The following FRMD4A variants were observed in gnomAD, a reference collection of about 807,000 sequenced individuals.
The protein encoded by FRMD4A is FERM domain containing 4A.
In FRMD4A, 29 loss-of-function variants were observed where a neutral mutation model predicts 129.1. The observed-to-expected ratio is 0.22, with a 90% CI of 0.17 to 0.31. The LOEUF is 0.31. Ranked by LOEUF, FRMD4A falls within the 10% of genes least tolerant of loss-of-function variation. FRMD4A has a pLI of 1.00. For synonymous variants in FRMD4A, 634 were observed against 571.6 expected, an observed-to-expected ratio of 1.11 and a Z score of -1.56; for missense variants, 1,272 against 1,375.8, an observed-to-expected ratio of 0.92 and a Z score of 1.19.
chr10:14,326,988 G>A (rs1001562140), intron 2 of FRMD4A: 5 of 398,554 alleles, frequency 1.3e-5, no homozygotes, highest in Non-Finnish European at 2.2e-5. Context: ...TCTGTCCTGT[G>A]TGGAGAGGCA....
intron 2 of FRMD4A, among the ~76,000 whole-genome samples, chr10:14,186,400 C>T (rs12248458): frequency 0.019 from 2,878 of 152,256 alleles, 100 homozygotes; most frequent in African/African-American, 0.065. Context: ...TTCCTTCCAC[C>T]GATCACCCAC....
At chr10:13,895,283 A>G (rs927030771) in intron 2 of FRMD4A, among the ~76,000 whole-genome samples, 1 of 151,964 alleles carries the variant, frequency 6.6e-6, no homozygotes, top group Non-Finnish European at 1.5e-5. Context: ...GTTCCCCTCT[A>G]TGTGTCCATG....
chr10:14,211,684 T>A (rs74627829), intron 2 of FRMD4A, among the ~76,000 whole-genome samples: 1,581 of 152,312 alleles, frequency 0.01, 31 homozygotes, highest in African/African-American at 0.036. Context: ...GATAATTGTG[T>A]GTCTACCACA....
At chr10:14,033,318 A>C (rs1449766839) in intron 2 of FRMD4A, among the ~76,000 whole-genome samples, 1 of 152,076 alleles carries the variant, frequency 6.6e-6, no homozygotes, top group Non-Finnish European at 1.5e-5. Flanking sequence ...AAAAAAAAAA[A>C]AAAATTATTT....
chr10:13,672,143 C>T (rs1234478190), intron 16 of FRMD4A, among the ~76,000 whole-genome samples: 3 of 152,230 alleles, frequency 2.0e-5, no homozygotes, highest in Non-Finnish European at 2.9e-5. Flanking sequence ...AGCATAAACA[C>T]ATACTCCGTC....
intron 2 of FRMD4A, among the ~76,000 whole-genome samples, chr10:14,229,675 G>A (rs1450429861): frequency 6.6e-6 from 1 of 152,148 alleles, no homozygotes; most frequent in East Asian, 1.9e-4. Context: ...GCGGGCACAA[G>A]CCGTCCTCCC....
intron 2 of FRMD4A, among the ~76,000 whole-genome samples, chr10:14,201,346 A>G (rs74122399): frequency 0.034 from 5,153 of 152,264 alleles, 293 homozygotes; most frequent in African/African-American, 0.12. Flanking sequence ...CCCGGTTAGA[A>G]TAACTGGCGT....
intron 2 of FRMD4A, among the ~76,000 whole-genome samples, chr10:13,958,849 T>G (rs541207117): frequency 2.8e-4 from 42 of 152,284 alleles, no homozygotes; most frequent in Admixed American, 3.3e-4. Flanking sequence ...CCTCCCAAAG[T>G]GCTGGGATTA....
intron 2 of FRMD4A, among the ~76,000 whole-genome samples, chr10:13,951,393 A>T (rs1248217433): frequency 2.0e-5 from 3 of 152,108 alleles, no homozygotes; most frequent in African/African-American, 7.2e-5. Context: ...ATTGATGGGA[A>T]GATCTAAGTT....
At chr10:14,195,352 C>G (rs1386262132) in intron 2 of FRMD4A, among the ~76,000 whole-genome samples, 1 of 151,930 alleles carries the variant, frequency 6.6e-6, no homozygotes, top group Admixed American at 6.6e-5. Context: ...AAAACCATAC[C>G]TAGGAGGGAA....
chr10:14,045,630 CAAT>C (rs1833956367), intron 2 of FRMD4A, among the ~76,000 whole-genome samples: 2 of 146,336 alleles, frequency 1.4e-5, no homozygotes. Context: ...AGATGATATA[CAAT>C]AATTATAATC....
chr10:13,833,338 T>C (rs763457436), intron 3 of FRMD4A, among the ~76,000 whole-genome samples: 6 of 152,076 alleles, frequency 3.9e-5, no homozygotes, highest in Non-Finnish European at 7.4e-5. Context: ...AACCATCAGA[T>C]CTCATGAGAT....
At chr10:14,300,338 G>A (rs749982494) in intron 2 of FRMD4A, among the ~76,000 whole-genome samples, 8 of 152,052 alleles carry the variant, frequency 5.3e-5, no homozygotes, top group Non-Finnish European at 1.2e-4. Context: ...GCCATGCCCT[G>A]CACCAAGCTT....
At chr10:14,037,968 A>C (rs1017318205) in intron 2 of FRMD4A, among the ~76,000 whole-genome samples, 2 of 152,238 alleles carry the variant, frequency 1.3e-5, no homozygotes, top group African/African-American at 2.4e-5. Flanking sequence ...CCAATAATGG[A>C]CACAAGCTAA....
chr10:13,830,646 A>G (rs1251070830), intron 3 of FRMD4A, among the ~76,000 whole-genome samples: 2 of 152,222 alleles, frequency 1.3e-5, no homozygotes, highest in Non-Finnish European at 2.9e-5. Flanking sequence ...TGAAGGCTTT[A>G]TGGGAGGCCT....
chr10:13,845,837 G>A (rs1258088868), intron 3 of FRMD4A, among the ~76,000 whole-genome samples: 1 of 152,172 alleles, frequency 6.6e-6, no homozygotes, highest in Non-Finnish European at 1.5e-5. Context: ...TGTGCAAATG[G>A]CCAAGGTCAC....
At position 13,814,599 on chromosome 10, in the gene FRMD4A, AAAAAAAAAG is replaced by A. The variant is rs1458316811; in HGVS notation, c.112-3700_112-3692del. On this transcript the variant is annotated intron_variant, in intron 3 of 24. Coordinates refer to ENST00000357447, the MANE Select transcript of FRMD4A (RefSeq NM_018027.5). Reference sequence around the variant, plus strand: ...CTGTTTCAAAAAAAAAAAAAAAAAAAAAAAAAAAGAAAGAAAGGGAAAGAGAGAGAGAAA... The same window carrying A: ...CTGTTTCAAAAAAAAAAAAAAAAAAAAAAGAAAGGGAAAGAGAGAGAGAAA... Among the ~76,000 whole-genome samples, 17 of 142,630 alleles carry A rather than the reference AAAAAAAAAG, an allele frequency of 1.2e-4. 1 individual carries two copies. Among genetic ancestry groups the A allele is most frequent in the Middle Eastern group, 3.6e-3 (1 of 276 alleles). The allele number at this position is 142,630 out of a possible 152,430, so 93.6% of individuals were successfully genotyped here. A position where few individuals can be genotyped will look rare whatever the true frequency, so the allele number is the denominator to read the frequency against.
At chr10:14,266,308 G>A (rs1005311561) in intron 2 of FRMD4A, among the ~76,000 whole-genome samples, 10 of 152,174 alleles carry the variant, frequency 6.6e-5, no homozygotes, top group Non-Finnish European at 1.5e-4. Flanking sequence ...TGGGAAGAGG[G>A]AACAAAATAG....
Position 13,801,019 on chromosome 10 carries a change from C to T in FRMD4A, c.207-4431G>A, listed in dbSNP as rs534734415. Among the ~76,000 whole-genome samples, 162 of 152,326 alleles carry T rather than the reference C, an allele frequency of 1.1e-3. 4 individuals are homozygous for T. Among genetic ancestry groups the T allele is most frequent in the African/African-American group, 3.5e-3 (147 of 41,568 alleles). ...ATCCCAGCACTTTGGGAGGCCATGGCAGGTGGATCACGAGGTCAGGAGATC... is the reference window on the plus strand; with the variant it reads ...ATCCCAGCACTTTGGGAGGCCATGGTAGGTGGATCACGAGGTCAGGAGATC... On this transcript the variant is annotated intron_variant, in intron 4 of 24. Transcript: ENST00000357447.
Sources: allele counts gnomAD v4.1 joint callset (sites outside exome capture counted in the v4.1 genomes callset), GRCh38; gene constraint gnomAD v4.1.1; transcripts MANE v1.5; gene names NCBI Gene and HGNC (gene_info 2026-07-23, HGNC 2026-07-21).